The following RGS6 variants were observed in gnomAD, a reference collection of about 807,000 sequenced individuals.
The protein encoded by RGS6 is regulator of G-protein signaling 6.
RGS6 carries 30 observed loss-of-function variants against 78.5 expected under a neutral mutation model. That is an observed-to-expected ratio of 0.38 (90% CI 0.29 to 0.52). RGS6 has a LOEUF of 0.52. Among genes scored for constraint, RGS6 ranks in the 20% least tolerant of loss-of-function variants. RGS6 has a pLI of 0.85. For synonymous variants in RGS6, 206 were observed against 206.0 expected (o/e 1.00, Z 0.00); for missense variants, 495 against 609.7 (o/e 0.81, Z 1.98).
chr14:72,610,808 C>A, the RGS6 span, among the ~76,000 whole-genome samples: 1 of 152,176 alleles, frequency 6.6e-6, no homozygotes, highest in Non-Finnish European at 1.5e-5. Flanking sequence ...GCTCAGGGCC[C>A]ACCACTGGCT....
chr14:72,521,606 G>C (rs1166845825), intron 15 of RGS6, among the ~76,000 whole-genome samples: 1 of 152,180 alleles, frequency 6.6e-6, no homozygotes, highest in Non-Finnish European at 1.5e-5. Context: ...TTATCTGCTA[G>C]GATTAGTCTC....
At chr14:72,327,039 T>C (rs1277901128) in intron 2 of RGS6, among the ~76,000 whole-genome samples, 2 of 152,222 alleles carry the variant, frequency 1.3e-5, no homozygotes, top group Non-Finnish European at 2.9e-5. Flanking sequence ...AAGAGTGGCC[T>C]AACACGTATA....
intron 2 of RGS6, among the ~76,000 whole-genome samples, chr14:72,329,079 G>A (rs1189611256): frequency 2.6e-5 from 4 of 152,108 alleles, no homozygotes; most frequent in Admixed American, 2.6e-4. Flanking sequence ...TCACCATGTT[G>A]GTCAGGCTGG....
intron 17 of RGS6, among the ~76,000 whole-genome samples, chr14:72,561,855 GC>G (rs751462177): frequency 2.1e-4 from 32 of 152,136 alleles, no homozygotes; most frequent in East Asian, 7.7e-4. Context: ...CCCAGCAAAT[GC>G]CCCCCACTTT....
intron 2 of RGS6, among the ~76,000 whole-genome samples, chr14:72,108,638 A>G (rs1425977586): frequency 1.3e-5 from 2 of 151,818 alleles, no homozygotes; most frequent in African/African-American, 4.8e-5. Context: ...AAAAAATTTA[A>G]TTTCCCCCTT....
the RGS6 span, among the ~76,000 whole-genome samples, chr14:71,897,805 C>A: frequency 6.6e-6 from 1 of 152,144 alleles, no homozygotes; most frequent in African/African-American, 2.4e-5. Context: ...AGGCGTGAGC[C>A]ACCGCGCCCG....
the RGS6 span, among the ~76,000 whole-genome samples, chr14:72,613,285 G>A: frequency 2.0e-5 from 3 of 152,088 alleles, no homozygotes; most frequent in Admixed American, 6.5e-5. Context: ...CCATGGCCGC[G>A]TTTATTTGCT....
intron 2 of RGS6, among the ~76,000 whole-genome samples, chr14:72,039,536 A>G (rs2092152411): frequency 6.6e-6 from 1 of 152,128 alleles, no homozygotes; most frequent in Non-Finnish European, 1.5e-5. Flanking sequence ...TACTATGTGC[A>G]TGGAATATCT....
the RGS6 span, among the ~76,000 whole-genome samples, chr14:71,915,446 G>A: frequency 6.6e-6 from 1 of 152,058 alleles, no homozygotes; most frequent in Non-Finnish European, 1.5e-5. Context: ...TCAGAGAGAT[G>A]CCTGTGAGTT....
chr14:71,872,245 A>C, the RGS6 span, among the ~76,000 whole-genome samples: 1 of 152,168 alleles, frequency 6.6e-6, no homozygotes, highest in Admixed American at 6.5e-5. Flanking sequence ...GGATCAGATA[A>C]AAGAAGAACT....
chr14:72,111,921 A>G (rs1273476304), intron 2 of RGS6, among the ~76,000 whole-genome samples: 1 of 152,206 alleles, frequency 6.6e-6, no homozygotes. Flanking sequence ...TTAACTAAAC[A>G]TGTTAAAGGA....
chr14:72,064,035 A>G (rs1286691720), intron 2 of RGS6, among the ~76,000 whole-genome samples: 2 of 152,086 alleles, frequency 1.3e-5, no homozygotes, highest in Non-Finnish European at 2.9e-5. Flanking sequence ...GCTGTGGTGT[A>G]GGGAGAGAGT....
the RGS6 span, among the ~76,000 whole-genome samples, chr14:72,626,044 G>A: frequency 6.6e-6 from 1 of 152,048 alleles, no homozygotes; most frequent in African/African-American, 2.4e-5. Context: ...AGTTACTTAG[G>A]TTATTCTTTT....
At chr14:72,458,175 G>C (rs1483333515) in intron 4 of RGS6, 96 bp from the exon 5 acceptor site, 1 of 885,042 alleles carries the variant, frequency 1.1e-6, no homozygotes, top group African/African-American at 1.6e-5. Context: ...ACAGACATCT[G>C]GGGGTGATGA....
intron 2 of RGS6, among the ~76,000 whole-genome samples, chr14:72,197,379 T>C (rs1297412285): frequency 6.6e-6 from 1 of 152,204 alleles, no homozygotes; most frequent in Non-Finnish European, 1.5e-5. Flanking sequence ...TGTTTTCTAG[T>C]TAAGTTCATA....
the RGS6 span, among the ~76,000 whole-genome samples, chr14:71,906,088 A>C: frequency 6.6e-6 from 1 of 152,166 alleles, no homozygotes; most frequent in African/African-American, 2.4e-5. Context: ...CCTGCCGCAA[A>C]ACATTTGGCA....
chr14:71,922,640 C>T, the RGS6 span, among the ~76,000 whole-genome samples: 4 of 152,238 alleles, frequency 2.6e-5, no homozygotes, highest in African/African-American at 4.8e-5. Context: ...TCTACTAATG[C>T]CATTTTTCTG....
intron 2 of RGS6, among the ~76,000 whole-genome samples, chr14:72,103,718 A>G (rs2095573307): frequency 1.3e-5 from 2 of 152,200 alleles, no homozygotes; most frequent in Non-Finnish European, 2.9e-5. Flanking sequence ...CACAGTGGAG[A>G]CAGGGCTCCC....
intron 13 of RGS6, among the ~76,000 whole-genome samples, chr14:72,496,299 T>A (rs1427673523): frequency 6.6e-6 from 1 of 152,224 alleles, no homozygotes; most frequent in Non-Finnish European, 1.5e-5. Context: ...CCAAATTTTT[T>A]ATGGAAACAC....
Sources: allele counts gnomAD v4.1 joint callset (sites outside exome capture counted in the v4.1 genomes callset), GRCh38; gene constraint gnomAD v4.1.1; transcripts MANE v1.5; gene names NCBI Gene and HGNC (gene_info 2026-07-23, HGNC 2026-07-21).